Variants in CDH12 observed in about 807,000 individuals in gnomAD.
The protein encoded by CDH12 is cadherin 12.
CDH12 carries 41 observed loss-of-function variants against 74.1 expected under a neutral mutation model. That is an observed-to-expected ratio of 0.55 (90% confidence interval 0.43 to 0.72). CDH12 has a LOEUF of 0.72. Among genes scored for constraint, CDH12 ranks in the 30% least tolerant of loss-of-function variants. The pLI is 0.00. For synonymous variants in CDH12, 399 were observed against 355.0 expected (o/e 1.12, Z -1.39); for missense variants, 945 against 977.2 (o/e 0.97, Z 0.44).
intron 8 of CDH12, among the ~76,000 whole-genome samples, chr5:21,833,819 T>C (rs550700910): frequency 8.1e-4 from 123 of 151,924 alleles, no homozygotes; most frequent in African/African-American, 2.8e-3. Context: ...ACTGGGGATA[T>C]GGGATCCCAA....
At chr5:22,028,742 A>G (rs1467724120) in intron 5 of CDH12, among the ~76,000 whole-genome samples, 3 of 152,184 alleles carry the variant, frequency 2.0e-5, no homozygotes, top group Non-Finnish European at 4.4e-5. Context: ...GACTTTCTTC[A>G]CAGAATTGGA....
At chr5:22,228,163 C>G (rs1239267318) in intron 3 of CDH12, among the ~76,000 whole-genome samples, 3 of 151,918 alleles carry the variant, frequency 2.0e-5, no homozygotes, top group African/African-American at 4.8e-5. Flanking sequence ...CAAGATCGTA[C>G]TATTAACACT....
chr5:22,340,525 CAA>C (rs35157556), intron 3 of CDH12, among the ~76,000 whole-genome samples: 2 of 130,568 alleles, frequency 1.5e-5, no homozygotes, highest in Admixed American at 8.0e-5. Context: ...GACTCCGTCT[CAA>C]AAAAAAAAAA....
At chr5:22,749,567 G>A (rs1277713772) in intron 1 of CDH12, among the ~76,000 whole-genome samples, 1 of 152,070 alleles carries the variant, frequency 6.6e-6, no homozygotes, top group Non-Finnish European at 1.5e-5. Context: ...ATTTCTAAAA[G>A]TAAAATCAAA....
chr5:22,265,250 T>C (rs1009765623), intron 3 of CDH12, among the ~76,000 whole-genome samples: 20 of 152,168 alleles, frequency 1.3e-4, no homozygotes, highest in Admixed American at 1.0e-3. Context: ...GGAAAAAAAT[T>C]GGAAATAGCA....
At chr5:22,666,230 G>C (rs1179822135) in intron 1 of CDH12, among the ~76,000 whole-genome samples, 2 of 148,754 alleles carry the variant, frequency 1.3e-5, no homozygotes, top group African/African-American at 5.0e-5. Flanking sequence ...TATTCTCACA[G>C]TCTGGCAATT....
At chr5:22,738,099 CTTG>C (rs756104454) in intron 1 of CDH12, among the ~76,000 whole-genome samples, 128 of 151,976 alleles carry the variant, frequency 8.4e-4, no homozygotes, top group Non-Finnish European at 1.3e-3. Flanking sequence ...AATATAAAAC[CTTG>C]AGTAGCTGGA....
At chr5:22,766,405 G>A (rs1477170817) in intron 1 of CDH12, among the ~76,000 whole-genome samples, 1 of 152,056 alleles carries the variant, frequency 6.6e-6, no homozygotes, top group Non-Finnish European at 1.5e-5. Context: ...CTGTGCAGCA[G>A]TGAAAACGCA....
intron 3 of CDH12, among the ~76,000 whole-genome samples, chr5:22,366,105 C>T (rs1741020541): frequency 6.6e-6 from 1 of 151,936 alleles, no homozygotes; most frequent in Non-Finnish European, 1.5e-5. Context: ...ATTACAGGCG[C>T]CCGCCACCAT....
At chr5:21,839,587 T>C (rs1446205340) in intron 8 of CDH12, among the ~76,000 whole-genome samples, 1 of 152,098 alleles carries the variant, frequency 6.6e-6, no homozygotes, top group Non-Finnish European at 1.5e-5. Flanking sequence ...AATATAGGTT[T>C]ATGATTTTAA....
chr5:22,652,574 C>T (rs1268713776), intron 1 of CDH12, among the ~76,000 whole-genome samples: 2 of 152,074 alleles, frequency 1.3e-5, no homozygotes, highest in Admixed American at 1.3e-4. Flanking sequence ...GCCTTAACCC[C>T]TAAATGCATT....
intron 1 of CDH12, among the ~76,000 whole-genome samples, chr5:22,605,150 C>T (rs1198251468): frequency 1.3e-5 from 2 of 152,120 alleles, no homozygotes; most frequent in Non-Finnish European, 2.9e-5. Context: ...AAAAGTTGTG[C>T]CTACGGGAGC....
intron 2 of CDH12, among the ~76,000 whole-genome samples, chr5:22,456,685 T>C (rs932395799): frequency 3.3e-5 from 5 of 152,270 alleles, no homozygotes; most frequent in Middle Eastern, 3.4e-3. Flanking sequence ...CTAAATCATA[T>C]TATAATGATA....
chr5:22,268,114 G>A (rs1201544165), intron 3 of CDH12, among the ~76,000 whole-genome samples: 2 of 151,966 alleles, frequency 1.3e-5, no homozygotes, highest in Non-Finnish European at 2.9e-5. Flanking sequence ...GAGGTATCAG[G>A]GGAGGTGAAG....
At chr5:22,523,195 C>T (rs1415126687) in intron 1 of CDH12, among the ~76,000 whole-genome samples, 3 of 152,060 alleles carry the variant, frequency 2.0e-5, no homozygotes, top group Non-Finnish European at 4.4e-5. Flanking sequence ...TTTCCGTTTT[C>T]TTTAAAGAAA....
intron 4 of CDH12, among the ~76,000 whole-genome samples, chr5:22,193,572 T>C (rs921967984): frequency 2.0e-5 from 3 of 152,214 alleles, no homozygotes; most frequent in African/African-American, 7.2e-5. Context: ...AAAAAGCTAA[T>C]TTGTGTGTTA....
At chr5:22,586,255 G>A (rs1489249302) in intron 1 of CDH12, among the ~76,000 whole-genome samples, 2 of 151,844 alleles carry the variant, frequency 1.3e-5, no homozygotes, top group African/African-American at 2.4e-5. Context: ...ACCAAACACC[G>A]CATGCTCTCA....
rs1033367087 is a variant in CDH12, at chr5:21,817,069, G to A, written c.878C>T (p.Ala293Val). 1 of 1,612,564 alleles carries A rather than the reference G, an allele frequency of 6.2e-7. No individual in the cohort carries two copies. ...ATTTTGTCCAAAATCAGGATCCACAGCTCTTATTCTTCCAATAGCTGAACC... is the reference window on the plus strand; with the variant it reads ...ATTTTGTCCAAAATCAGGATCCACAACTCTTATTCTTCCAATAGCTGAACC... The part of the protein sequence containing the change: ...PIGSAIGRIR[A>V]VDPDFGQNAE... The change falls in exon 9 of 15, where the codon GCT becomes GTT. Residue 293 changes from alanine (A) to valine (V), a missense_variant. Ala to Val is a moderately conservative substitution (Grantham distance 64). Around this residue, in one of 3 missense-constraint regions of CDH12, gnomAD observed 791 missense variants for 792.8 expected, o/e 1.00. Coordinates refer to ENST00000382254, the MANE Select transcript of CDH12 (RefSeq NM_004061.5).
intron 3 of CDH12, among the ~76,000 whole-genome samples, chr5:22,306,981 T>C (rs1161017665): frequency 6.6e-6 from 1 of 152,228 alleles, no homozygotes. Flanking sequence ...CTTAGTTATA[T>C]GCTGATATGA....
Sources: allele counts gnomAD v4.1 joint callset (sites outside exome capture counted in the v4.1 genomes callset), GRCh38; gene constraint gnomAD v4.1.1; regional missense constraint gnomAD v4.1.1; transcripts MANE v1.5; gene names NCBI Gene and HGNC (gene_info 2026-07-23, HGNC 2026-07-21).